LRRC2: variants seen among roughly 807,000 people sequenced by gnomAD.
LRRC2 encodes the protein leucine-rich repeat-containing protein 2.
LRRC2 carries 27 observed loss-of-function variants against 40.2 expected under a neutral mutation model. The ratio of observed to expected loss-of-function variants is 0.67; its 90% CI spans 0.49 to 0.93. The LOEUF (loss-of-function observed/expected upper bound fraction) is 0.93. Among genes scored for constraint, LRRC2 ranks in the 40% least tolerant of loss-of-function variants. The pLI, the probability that LRRC2 is intolerant of heterozygous loss-of-function variation, is 0.00. For synonymous variants in LRRC2, 147 were observed against 158.9 expected, an observed-to-expected ratio of 0.92 and a Z score of 0.56; for missense variants, 402 against 439.6, an observed-to-expected ratio of 0.91 and a Z score of 0.76.
intron 3 of LRRC2, among the ~76,000 whole-genome samples, chr3:46,540,665 G>T (rs1412582738): frequency 1.3e-5 from 2 of 152,180 alleles, no homozygotes; most frequent in South Asian, 2.1e-4. Flanking sequence ...GAAAATGCAG[G>T]CACCTTGTTA....
chr3:46,537,101 C>G (rs192114125), intron 4 of LRRC2, among the ~76,000 whole-genome samples: 20 of 152,254 alleles, frequency 1.3e-4, no homozygotes, highest in Admixed American at 4.6e-4. Flanking sequence ...TGTATAAGGA[C>G]AGAACCTTTC....
chr3:46,530,019 T>G lies in LRRC2; in HGVS notation c.659A>C (p.Asp220Ala), dbSNP rs201360476. The G allele has an allele frequency of 5.0e-6, 8 of 1,613,416 alleles. No homozygotes were observed. The highest frequency in any genetic ancestry group is 2.7e-5 in the African/African-American group (2 of 74,902). ...ACTGGAAAACTTGTTTGCTGAGATA[T>G]CTACAAATGTAACTTGCTTCAAATT... The part of the protein sequence containing the change: ...LSNLKQVTFV[D>A]ISANKFSSVP... The change falls in exon 6 of 9, where the codon GAT (aspartate) becomes GCT (alanine). Residue 220 changes from aspartate (D) to alanine (A), a missense_variant. Transcript: ENST00000395905.
chr3:46,541,226 G>A (rs1054444629), intron 3 of LRRC2, among the ~76,000 whole-genome samples: 7 of 151,746 alleles, frequency 4.6e-5, no homozygotes, highest in Non-Finnish European at 8.8e-5. Context: ...CCAGCTGCTC[G>A]GGAGGCTGAG....
intron 2 of LRRC2, chr3:46,551,030 C>T (rs35864396): frequency 0.08 from 12,333 of 153,510 alleles, 575 homozygotes; most frequent in South Asian, 0.17. Flanking sequence ...GTAAAAACGA[C>T]ACCAACACAA....
intron 7 of LRRC2, among the ~76,000 whole-genome samples, chr3:46,522,376 AAAATAAATAAATAAAT>A (rs59264692): frequency 5.9e-5 from 8 of 135,958 alleles, no homozygotes; most frequent in East Asian, 4.3e-4. Flanking sequence ...CTCAATCTCA[AAAATAAATAAATAAAT>A]AAATAAATAA....
intron 2 of LRRC2, among the ~76,000 whole-genome samples, chr3:46,547,694 A>G (rs1704557957): frequency 1.5e-5 from 1 of 66,376 alleles, no homozygotes; most frequent in Non-Finnish European, 3.0e-5. Context: ...TATATAACAT[A>G]TGTGTGTGTG....
At chr3:46,531,854 A>G (rs547144800) in intron 5 of LRRC2, among the ~76,000 whole-genome samples, 1 of 152,278 alleles carries the variant, frequency 6.6e-6, no homozygotes, top group East Asian at 1.9e-4. Context: ...GTCACCAGCA[A>G]TCACCATTTT....
At position 46,515,825 on chromosome 3, in the gene LRRC2, C is replaced by T. The variant is rs1703850004; in HGVS notation, c.*3189G>A. 1 of 151,864 alleles carries T rather than the reference C, an allele frequency of 6.6e-6. No individual in the cohort carries two copies. Among genetic ancestry groups the T allele is most frequent in the Non-Finnish European group, 1.5e-5 (1 of 67,980 alleles). The allele number at this position is 151,864 out of a possible 1,614,324, so 9.4% of individuals were successfully genotyped here. A position where few individuals can be genotyped will look rare whatever the true frequency, so the allele number is the denominator to read the frequency against. On this transcript the variant is annotated 3_prime_UTR_variant, in exon 9 of 9. Coordinates refer to ENST00000395905, the MANE Select transcript of LRRC2 (RefSeq NM_024512.5). ...CATACCTTAGCATGACATAAAATTC[C>T]AAAATCATTCAAGTAGTAGAGCTAA...
At chr3:46,548,966 C>T (rs1401835940) in intron 2 of LRRC2, among the ~76,000 whole-genome samples, 1 of 150,558 alleles carries the variant, frequency 6.6e-6, no homozygotes, top group African/African-American at 2.4e-5. Context: ...TGGTAATGCC[C>T]GCTTGCCCCC....
rs146292284 is a variant in LRRC2 at position 46,536,553 on chromosome 3, G to A, written c.490+2492C>T. On this transcript the variant is annotated intron_variant, in intron 4 of 8. Coordinates refer to ENST00000395905, the MANE Select transcript of LRRC2 (RefSeq NM_024512.5). ...ACCCACCAATCTCTTCTCCTCCTCC[G>A]AGTGTGCAAGGATAACATCCTCACT... Among the ~76,000 whole-genome samples the A allele has an allele frequency of 1.3e-3, 203 of 152,218 alleles. 1 individual carries two copies. The highest frequency in any genetic ancestry group is 3.4e-3 in the Middle Eastern group (1 of 294).
chr3:46,565,378 CAA>C (rs1274483719), intron 1 of LRRC2, among the ~76,000 whole-genome samples: 1 of 152,084 alleles, frequency 6.6e-6, no homozygotes, highest in Non-Finnish European at 1.5e-5. Flanking sequence ...ATCATTGTGT[CAA>C]GAGCTTAAGA....
At chr3:46,565,748 C>T (rs888886430) in intron 1 of LRRC2, among the ~76,000 whole-genome samples, 4 of 152,206 alleles carry the variant, frequency 2.6e-5, no homozygotes, top group African/African-American at 9.7e-5. Context: ...GAAGAAAAGA[C>T]TTCCCCGCCA....
chr3:46,548,110 T>C (rs1261518313), intron 2 of LRRC2, among the ~76,000 whole-genome samples: 2 of 152,150 alleles, frequency 1.3e-5, no homozygotes, highest in East Asian at 3.9e-4. Flanking sequence ...TGAAGGCAGA[T>C]CCTAGCAATA....
At chr3:46,525,260 TC>T (rs140457130) in intron 7 of LRRC2, among the ~76,000 whole-genome samples, 62,464 of 136,258 alleles carry the variant, frequency 0.46, 13,512 homozygotes, top group East Asian at 0.56. Context: ...GGCCTTTTTT[TC>T]TTTTTTTTAG....
At chr3:46,560,627 C>T (rs1038545207) in intron 1 of LRRC2, among the ~76,000 whole-genome samples, 4 of 152,190 alleles carry the variant, frequency 2.6e-5, no homozygotes, top group Non-Finnish European at 4.4e-5. Flanking sequence ...CCTGGACCCT[C>T]GTTGAATTTG....
chr3:46,546,994 T>C (rs939540586), intron 2 of LRRC2, among the ~76,000 whole-genome samples: 2 of 152,114 alleles, frequency 1.3e-5, no homozygotes, highest in Non-Finnish European at 2.9e-5. Flanking sequence ...ATGGATCCCA[T>C]TGTAATCACC....
intron 4 of LRRC2, 98 bp downstream of exon 4, chr3:46,538,947 G>A (rs1704325156): frequency 7.6e-7 from 1 of 1,316,128 alleles, no homozygotes; most frequent in Non-Finnish European, 1.0e-6. Context: ...TGGGGAAGCT[G>A]GAGAGGAAAC....
intron 1 of LRRC2, among the ~76,000 whole-genome samples, chr3:46,556,789 G>C (rs1704809327): frequency 6.6e-6 from 1 of 151,956 alleles, no homozygotes; most frequent in Non-Finnish European, 1.5e-5. Context: ...ATGTTGATCA[G>C]GTTGGTCTCG....
intron 2 of LRRC2, among the ~76,000 whole-genome samples, chr3:46,548,734 C>G (rs1704579656): frequency 6.6e-6 from 1 of 152,164 alleles, no homozygotes; most frequent in South Asian, 2.1e-4. Flanking sequence ...AGTCCTCAAC[C>G]TTTTTGGCAC....
Sources: allele counts gnomAD v4.1 joint callset (sites outside exome capture counted in the v4.1 genomes callset), GRCh38; gene constraint gnomAD v4.1.1; transcripts MANE v1.5; gene names NCBI Gene and HGNC (gene_info 2026-07-23, HGNC 2026-07-21).